Variants in SYNPO2 observed in about 807,000 individuals in gnomAD.
SYNPO2 encodes the protein synaptopodin 2, also known as synaptopodin-2.
In SYNPO2, 56 loss-of-function variants were observed where a neutral mutation model predicts 85.0. The ratio of observed to expected loss-of-function variants is 0.66; its 90% CI spans 0.53 to 0.82. The LOEUF is 0.82. Ranked by LOEUF, SYNPO2 falls within the 40% of genes least tolerant of loss-of-function variation. SYNPO2 has a pLI of 0.00. For synonymous variants in SYNPO2, 602 were observed against 591.1 expected (o/e 1.02, Z -0.27); for missense variants, 1,575 against 1,534.2 (o/e 1.03, Z -0.44).
chr4:119,016,411 C>A (rs1737526568), intron 1 of SYNPO2, among the ~76,000 whole-genome samples: 1 of 103,272 alleles, frequency 9.7e-6, no homozygotes, highest in Admixed American at 1.0e-4. Flanking sequence ...GAGCAAGACT[C>A]CATTTCAAAA....
At chr4:118,863,221 T>C (rs1345783200) in intron 1 of SYNPO2, among the ~76,000 whole-genome samples, 2 of 152,232 alleles carry the variant, frequency 1.3e-5, no homozygotes, top group Admixed American at 6.5e-5. Context: ...TCGGAATAGT[T>C]TGAGTAGGAT....
At chr4:119,033,077 G>T (rs143490273) in intron 4 of SYNPO2, 1 of 985,254 alleles carries the variant, frequency 1.0e-6, no homozygotes, top group Non-Finnish European at 1.2e-6. Flanking sequence ...CGCACATAAA[G>T]GTGTACATGG....
chr4:119,028,615 CCA>C (rs1236057489), intron 3 of SYNPO2, among the ~76,000 whole-genome samples: 2 of 152,056 alleles, frequency 1.3e-5, no homozygotes, highest in Non-Finnish European at 2.9e-5. Flanking sequence ...TTAGTAATAA[CCA>C]CAGTTTCAAC....
chr4:119,011,066 A>T (rs1214299672), intron 1 of SYNPO2, among the ~76,000 whole-genome samples: 1 of 152,202 alleles, frequency 6.6e-6, no homozygotes, highest in African/African-American at 2.4e-5. Flanking sequence ...AGGGAGCATG[A>T]CTGGCTTTAA....
intron 1 of SYNPO2, among the ~76,000 whole-genome samples, chr4:118,968,521 G>T (rs956894373): frequency 6.6e-6 from 1 of 152,172 alleles, no homozygotes; most frequent in East Asian, 1.9e-4. Context: ...ACTTCGAAAG[G>T]TCACAGCTAA....
chr4:118,951,658 T>A (rs1734700578), intron 1 of SYNPO2, among the ~76,000 whole-genome samples: 1 of 152,166 alleles, frequency 6.6e-6, no homozygotes, highest in Non-Finnish European at 1.5e-5. Flanking sequence ...AAAATCTAAA[T>A]TTTATAGTAA....
chr4:118,933,012 A>G (rs1733983204), intron 1 of SYNPO2, among the ~76,000 whole-genome samples: 1 of 152,214 alleles, frequency 6.6e-6, no homozygotes, highest in African/African-American at 2.4e-5. Context: ...TAGGAGGAGC[A>G]CTAAGAAAAA....
chr4:118,887,878 C>G (rs1732235267), upstream of SYNPO2, among the ~76,000 whole-genome samples: 1 of 152,202 alleles, frequency 6.6e-6, no homozygotes, highest in Non-Finnish European at 1.5e-5. Context: ...CACAAACAAA[C>G]TTTCCCAGGC....
rs528598414 is a variant in SYNPO2 at position 119,061,107 on chromosome 4, C to T, written c.*3173C>T. On this transcript the variant is annotated 3_prime_UTR_variant, in exon 5 of 5. Coordinates refer to ENST00000307142, the MANE Select transcript of SYNPO2 (RefSeq NM_133477.3). ...AAAGTACTAATATCTACATGGTCCA[C>T]ACTTTTCTATTTTAAAAAATTGTGT... The T allele has an allele frequency of 1.3e-5, 2 of 152,222 alleles. No individual in the cohort carries two copies. Among genetic ancestry groups the T allele is most frequent in the African/African-American group, 4.8e-5 (2 of 41,552 alleles). 9.4% of individuals were successfully genotyped at this position (152,222 alleles called of 1,614,324 possible).
chr4:118,938,569 T>C (rs1465704827), intron 1 of SYNPO2, among the ~76,000 whole-genome samples: 1 of 152,316 alleles, frequency 6.6e-6, no homozygotes, highest in African/African-American at 2.4e-5. Flanking sequence ...TAAGAAGTTA[T>C]TGTTATTCAA....
intron 1 of SYNPO2, among the ~76,000 whole-genome samples, chr4:118,892,740 A>G (rs889985101): frequency 1.3e-5 from 2 of 152,154 alleles, no homozygotes; most frequent in African/African-American, 4.8e-5. Flanking sequence ...TTTTTCTTCA[A>G]ATCTTATGCA....
At chr4:119,010,523 G>C (rs1480477918) in intron 1 of SYNPO2, among the ~76,000 whole-genome samples, 1 of 152,178 alleles carries the variant, frequency 6.6e-6, no homozygotes, top group Non-Finnish European at 1.5e-5. Flanking sequence ...CAACATGTGG[G>C]AATTATGGTA....
chr4:118,952,727 A>C (rs1489849318), intron 1 of SYNPO2, among the ~76,000 whole-genome samples: 1 of 152,196 alleles, frequency 6.6e-6, no homozygotes, highest in Non-Finnish European at 1.5e-5. Flanking sequence ...ATCATTCTAG[A>C]TAGAACAATT....
rs1401363028 is a variant in SYNPO2 at position 119,060,509 on chromosome 4, G to A, written c.*2575G>A. 3.3e-5 allele frequency: 5 copies of A among 152,246 alleles called. No individual in the cohort carries two copies. The South Asian group carries it at 1.0e-3, about 32-fold the overall frequency. 9.4% of individuals were successfully genotyped at this position (152,246 alleles called of 1,614,324 possible). On this transcript the variant is annotated 3_prime_UTR_variant, in exon 5 of 5. Transcript: ENST00000307142. The stretch of plus-strand genomic sequence containing the variant: ...TTAGATTGCTCACATTGAAGCTAAT[G>A]GTTGAGACAAGACACCTGCCAGAGT...
chr4:118,949,318 A>G (rs996632468), intron 1 of SYNPO2, among the ~76,000 whole-genome samples: 14 of 152,202 alleles, frequency 9.2e-5, no homozygotes, highest in African/African-American at 3.4e-4. Context: ...GTAATAATGA[A>G]AAAAAGTTGA....
intron 1 of SYNPO2, among the ~76,000 whole-genome samples, chr4:118,976,126 C>T (rs550757480): frequency 1.6e-4 from 24 of 152,260 alleles, no homozygotes; most frequent in African/African-American, 4.6e-4. Context: ...AATGAAGCCG[C>T]GGACTCTCGC....
chr4:118,976,114 A>T (rs1019169680), intron 1 of SYNPO2, among the ~76,000 whole-genome samples: 1 of 152,208 alleles, frequency 6.6e-6, no homozygotes, highest in Non-Finnish European at 1.5e-5. Flanking sequence ...ACTGACTTCA[A>T]GAATGAAGCC....
chr4:119,047,149 C>T (rs1738896160), intron 4 of SYNPO2, among the ~76,000 whole-genome samples: 1 of 152,168 alleles, frequency 6.6e-6, no homozygotes, highest in Admixed American at 6.5e-5. Context: ...CAACCTCTGC[C>T]TCCCGGGTTC....
At chr4:119,023,385 CAAA>C (rs1737813450) in intron 1 of SYNPO2, 42 bp from the exon 2 acceptor site, 1 of 1,544,636 alleles carries the variant, frequency 6.5e-7, no homozygotes, top group African/African-American at 1.4e-5. Flanking sequence ...TTGCTTTTTA[CAAA>C]TTATATCATT....
Sources: gnomAD v4.1 joint callset for allele counts (sites outside exome capture counted in the v4.1 genomes callset) on GRCh38, gnomAD v4.1.1 for gene constraint, MANE v1.5 for transcripts, NCBI Gene and HGNC (gene_info 2026-07-23, HGNC 2026-07-21) for gene names.